The following SLC5A3 variants were observed in gnomAD, a reference collection of about 807,000 sequenced individuals.
SLC5A3 encodes sodium/myo-inositol cotransporter.
In SLC5A3, 10 loss-of-function variants were observed where a neutral mutation model predicts 43.2. The observed-to-expected ratio is 0.23, with a 90% CI of 0.14 to 0.39. The LOEUF (loss-of-function observed/expected upper bound fraction) is 0.39. SLC5A3 is among the 10% of genes least tolerant of loss of function. SLC5A3 has a pLI of 1.00. For missense variants in SLC5A3, 608 were observed against 893.4 expected, an observed-to-expected ratio of 0.68 and a Z score of 4.07; for synonymous variants, 349 against 322.0, an observed-to-expected ratio of 1.08 and a Z score of -0.90.
rs1428397015 is a variant in SLC5A3, at chr21:34,103,536, T to C, written c.*6181T>C. ...CGAGAACAGGTACGTGACAACAGTT[T>C]ATATTCCATGATAGAAAGCTAAAGT... is the stretch of plus-strand genomic sequence containing the variant. On this transcript the variant is annotated 3_prime_UTR_variant, in exon 2 of 2. Coordinates refer to ENST00000381151, the MANE Select transcript of SLC5A3 (RefSeq NM_006933.7). The C allele has an allele frequency of 1.0e-6, 1 of 1,000,032 alleles. No individual in the cohort carries two copies. The highest frequency in any genetic ancestry group is 1.1e-4 in the East Asian group (1 of 8,838). 61.9% of individuals were successfully genotyped at this position (1,000,032 alleles called of 1,614,324 possible).
chr21:34,103,230 C>T lies in SLC5A3; in HGVS notation c.*5875C>T. The T allele has an allele frequency of 1.0e-6, 1 of 999,382 alleles. No homozygotes were observed. Among genetic ancestry groups the T allele is most frequent in the Non-Finnish European group, 1.2e-6 (1 of 829,816 alleles). 61.9% of individuals were successfully genotyped at this position (999,382 alleles called of 1,614,324 possible). A position where few individuals can be genotyped will look rare whatever the true frequency, so the allele number is the denominator to read the frequency against. ...AGTGCCTTCTGGTTACCAGTATTGA[C>T]TCTGCTAGTTTGCACCTTTCCGTTC... On this transcript the variant is annotated 3_prime_UTR_variant, in exon 2 of 2. Transcript: ENST00000381151.
At chr21:34,074,513 C>T (rs1035133044) in intron 1 of SLC5A3, among the ~76,000 whole-genome samples, 4 of 152,216 alleles carry the variant, frequency 2.6e-5, no homozygotes, top group Non-Finnish European at 5.9e-5. Context: ...GCTAAGCGAA[C>T]CAGCGGCCCC....
chr21:34,082,826 G>A (rs896041096), intron 1 of SLC5A3, among the ~76,000 whole-genome samples: 3 of 151,992 alleles, frequency 2.0e-5, no homozygotes, highest in African/African-American at 7.3e-5. Context: ...GTACGTTTTG[G>A]CCCAAGGTGT....
In SLC5A3 at chr21:34,099,069, TTGTC is replaced by T. The variant is rs552106266; in HGVS notation, c.*1715_*1718del. The T allele has an allele frequency of 9.8e-5, 98 of 999,382 alleles. No individual in the cohort carries two copies. In the South Asian group the frequency reaches 4.0e-3, roughly 41 times the overall value. 61.9% of individuals were successfully genotyped at this position (999,382 alleles called of 1,614,324 possible). ...ATTAGTCCAAAGTTAATTTTAGAAA[TTGTC>T]AGGTAGCATAGTGTCTTCCCATGAT... is the stretch of plus-strand genomic sequence containing the variant. On this transcript the variant is annotated 3_prime_UTR_variant, in exon 2 of 2. Coordinates refer to ENST00000381151, the MANE Select transcript of SLC5A3 (RefSeq NM_006933.7).
chr21:34,088,922 AAC>A (rs1225694682), intron 1 of SLC5A3, among the ~76,000 whole-genome samples: 4 of 152,068 alleles, frequency 2.6e-5, no homozygotes, highest in East Asian at 1.9e-4. Context: ...ATCTTTGATA[AAC>A]AGTCTTTTAC....
rs1979368707 is a variant in SLC5A3, at chr21:34,104,095, C to T, written c.*6740C>T. 2 of 999,606 alleles carry T rather than the reference C, an allele frequency of 2.0e-6. No homozygotes were observed. Among genetic ancestry groups the T allele is most frequent in the South Asian group, 4.7e-5 (1 of 21,258 alleles). The allele number at this position is 999,606 out of a possible 1,614,324, so 61.9% of individuals were successfully genotyped here. A position where few individuals can be genotyped will look rare whatever the true frequency, so the allele number is the denominator to read the frequency against. On this transcript the variant is annotated 3_prime_UTR_variant, in exon 2 of 2. Transcript: ENST00000381151. ...ACTTGTCTTTGATTTTTTTTGTGTA[C>T]GTTTGTATGTGAGAGATGAAGTTAC...
chr21:34,102,005 A>C lies in SLC5A3; in HGVS notation c.*4650A>C, dbSNP rs1176634918. 1.0e-6 allele frequency: 1 copy of C among 1,000,074 alleles called. No homozygotes were observed. The highest frequency in any genetic ancestry group is 1.7e-5 in the African/African-American group (1 of 57,222). The allele number at this position is 1,000,074 out of a possible 1,614,324, so 62.0% of individuals were successfully genotyped here. A position where few individuals can be genotyped will look rare whatever the true frequency, so the allele number is the denominator to read the frequency against. On this transcript the variant is annotated 3_prime_UTR_variant, in exon 2 of 2. Coordinates refer to ENST00000381151, the MANE Select transcript of SLC5A3 (RefSeq NM_006933.7). Reference sequence around the variant, plus strand: ...AAGTAAAAATTTGGAATTAGTTGGCATATAGAGGAACCCTTTTGTACTGGA... The same window carrying C: ...AAGTAAAAATTTGGAATTAGTTGGCCTATAGAGGAACCCTTTTGTACTGGA...
rs1978902502 is a variant in SLC5A3, at chr21:34,095,080, T to C, written c.-119T>C. On this transcript the variant is annotated 5_prime_UTR_variant, in exon 2 of 2. Transcript: ENST00000381151. ...CAAAGGACAAAGACTTTGACCCTGC[T>C]GTGTTGCTCTGTGTAGTCCAGTTCA... 7.8e-7 allele frequency: 1 copy of C among 1,286,104 alleles called. No homozygotes were observed. The highest frequency in any genetic ancestry group is 1.1e-6 in the Non-Finnish European group (1 of 939,386). The allele number at this position is 1,286,104 out of a possible 1,614,324, so 79.7% of individuals were successfully genotyped here. A position where few individuals can be genotyped will look rare whatever the true frequency, so the allele number is the denominator to read the frequency against.
rs775365150 is a variant in SLC5A3 at position 34,096,265 on chromosome 21, T to G, written c.1067T>G (p.Met356Arg). Reference protein sequence around the residue: ...CSNIAYPRLVMKLVPVGLRGL... With the variant: ...CSNIAYPRLVRKLVPVGLRGL... ...AATATTGCTTACCCACGCCTGGTGA[T>G]GAAGCTGGTTCCTGTGGGCCTTCGG... The change falls in exon 2 of 2, where the codon ATG becomes AGG. Residue 356 changes from methionine (M) to arginine (R), a missense_variant. By Grantham distance (91) the Met-to-Arg change is moderately conservative (BLOSUM62 -1). Around this residue, in one of 2 missense-constraint regions of SLC5A3, gnomAD observed 398 missense variants for 668.6 expected, o/e 0.60. Coordinates refer to ENST00000381151, the MANE Select transcript of SLC5A3 (RefSeq NM_006933.7). The surrounding 1 kb of genome is among the most constrained non-coding windows in gnomAD (Gnocchi z 5.9). The G allele has an allele frequency of 6.2e-7, 1 of 1,614,186 alleles. No individual in the cohort carries two copies.
At chr21:34,083,486 A>G (rs1158274609) in intron 1 of SLC5A3, among the ~76,000 whole-genome samples, 1 of 152,194 alleles carries the variant, frequency 6.6e-6, no homozygotes, top group African/African-American at 2.4e-5. Flanking sequence ...TCTGTCAGGC[A>G]TGTTGTAGGA....
chr21:34,098,782 A>T lies in SLC5A3; in HGVS notation c.*1427A>T. 1.0e-6 allele frequency: 1 copy of T among 1,000,166 alleles called. No individual in the cohort carries two copies. Among genetic ancestry groups the T allele is most frequent in the Admixed American group, 6.2e-5 (1 of 16,256 alleles). 62.0% of individuals were successfully genotyped at this position (1,000,166 alleles called of 1,614,324 possible). ...GGGTACAGGGTACAAAAGATGTTAG[A>T]GAAAAGCTCTACAGATTACGTACTT... On this transcript the variant is annotated 3_prime_UTR_variant, in exon 2 of 2. Coordinates refer to ENST00000381151, the MANE Select transcript of SLC5A3 (RefSeq NM_006933.7).
At chr21:34,090,788 A>G (rs1207933054) in intron 1 of SLC5A3, among the ~76,000 whole-genome samples, 3 of 152,172 alleles carry the variant, frequency 2.0e-5, no homozygotes, top group African/African-American at 7.2e-5. Context: ...TGAGGCTCAT[A>G]GAGATGAAGT....
chr21:34,105,045 T>C lies in SLC5A3; in HGVS notation c.*7690T>C. Reference sequence around the variant, plus strand: ...TGAGTGGCAAACAGATCAAGTCTTTTGCTCATAGACTTTTCTGTGGGGTTA... The same window carrying C: ...TGAGTGGCAAACAGATCAAGTCTTTCGCTCATAGACTTTTCTGTGGGGTTA... On this transcript the variant is annotated 3_prime_UTR_variant, in exon 2 of 2. Coordinates refer to ENST00000381151, the MANE Select transcript of SLC5A3 (RefSeq NM_006933.7). The C allele has an allele frequency of 3.0e-6, 3 of 1,000,026 alleles. No individual in the cohort carries two copies. Among genetic ancestry groups the C allele is most frequent in the African/African-American group, 1.7e-5 (1 of 57,312 alleles). 61.9% of individuals were successfully genotyped at this position (1,000,026 alleles called of 1,614,324 possible).
chr21:34,087,726 G>A (rs567797411), intron 1 of SLC5A3, among the ~76,000 whole-genome samples: 2 of 152,344 alleles, frequency 1.3e-5, no homozygotes, highest in African/African-American at 2.4e-5. Flanking sequence ...GTGATGAAAG[G>A]GTTGACTGCT....
chr21:34,095,336 G>A lies in SLC5A3; in HGVS notation c.138G>A (p.Met46Ile), dbSNP rs1978916751. The change falls in exon 2 of 2, where the codon ATG (methionine) becomes ATA (isoleucine). Residue 46 changes from methionine to isoleucine, a missense_variant. This residue lies in a region of SLC5A3 where 398 missense variants were observed against 668.6 expected (regional missense o/e 0.60). Transcript: ENST00000381151. ...VSGYFLAGRSMTWVAIGASLF... is the reference protein window; with the variant it reads ...VSGYFLAGRSITWVAIGASLF... ...GATACTTCCTGGCGGGGCGCTCTAT[G>A]ACCTGGGTAGCAATTGGTGCCTCTC... is the stretch of plus-strand genomic sequence containing the variant. 1 of 1,614,150 alleles carries A rather than the reference G, an allele frequency of 6.2e-7. No homozygotes were observed. Among genetic ancestry groups the A allele is most frequent in the Non-Finnish European group, 8.5e-7 (1 of 1,179,996 alleles).
In SLC5A3 at chr21:34,101,614, A is replaced by G; in HGVS notation, c.*4259A>G. On this transcript the variant is annotated 3_prime_UTR_variant, in exon 2 of 2. Coordinates refer to ENST00000381151, the MANE Select transcript of SLC5A3 (RefSeq NM_006933.7). ...CAGTTCTACACCTAGTCTTTTCAGC[A>G]CTTAGCAAATTCAAATTTTGATTTT... 2.0e-6 allele frequency: 2 copies of G among 1,000,198 alleles called. No homozygotes were observed. Among genetic ancestry groups the G allele is most frequent in the Non-Finnish European group, 2.4e-6 (2 of 829,956 alleles). 62.0% of individuals were successfully genotyped at this position (1,000,198 alleles called of 1,614,324 possible). A position where few individuals can be genotyped will look rare whatever the true frequency, so the allele number is the denominator to read the frequency against.
Position 34,101,236 on chromosome 21 carries a change from A to T in SLC5A3, c.*3881A>T, listed in dbSNP as rs189671787. On this transcript the variant is annotated 3_prime_UTR_variant, in exon 2 of 2. Coordinates refer to ENST00000381151, the MANE Select transcript of SLC5A3 (RefSeq NM_006933.7). Reference sequence around the variant, plus strand: ...AATCTGCATATGTAGAATCATTTTCATTAGATTTAGAGCTTGAAGCACCTT... The same window carrying T: ...AATCTGCATATGTAGAATCATTTTCTTTAGATTTAGAGCTTGAAGCACCTT... The T allele has an allele frequency of 3.0e-6, 3 of 1,000,158 alleles. No individual in the cohort carries two copies. The highest frequency in any genetic ancestry group is 6.2e-5 in the Admixed American group (1 of 16,254). The allele number at this position is 1,000,158 out of a possible 1,614,324, so 62.0% of individuals were successfully genotyped here.
At position 34,096,995 on chromosome 21, in the gene SLC5A3, G is replaced by A; in HGVS notation, c.1797G>A (p.Gln599=). 1 of 1,614,092 alleles carries A rather than the reference G, an allele frequency of 6.2e-7. No individual in the cohort carries two copies. Among genetic ancestry groups the A allele is most frequent in the Non-Finnish European group, 8.5e-7 (1 of 1,179,986 alleles). The change falls in exon 2 of 2, where the codon CAG becomes CAA. Residue 599 remains glutamine (Q), a synonymous_variant. Coordinates refer to ENST00000381151, the MANE Select transcript of SLC5A3 (RefSeq NM_006933.7). The surrounding 1 kb of genome is among the most constrained non-coding windows in gnomAD (Gnocchi z 5.9). The part of the protein sequence containing the change: ...GKSEDSIKGL[Q]PEDVNLLVTC... ...CTGAAGACAGCATTAAGGGCCTTCA[G>A]CCTGAAGATGTTAATCTGTTGGTAA...
rs187913698 is a variant in SLC5A3, at chr21:34,075,085, T to C, written c.-337+1340T>C. Among the ~76,000 whole-genome samples the C allele has an allele frequency of 3.9e-5, 6 of 152,388 alleles. No individual in the cohort carries two copies. In the East Asian group the frequency reaches 9.6e-4, roughly 24 times the overall value. On this transcript the variant is annotated intron_variant, in intron 1 of 1. Transcript: ENST00000381151. ...ACCAGCATATGTAACTCCGAAAGGATAGGAGCAGTGAAAACAAAGCATTAT... is the reference window on the plus strand; with the variant it reads ...ACCAGCATATGTAACTCCGAAAGGACAGGAGCAGTGAAAACAAAGCATTAT...
Sources: allele counts gnomAD v4.1 joint callset (sites outside exome capture counted in the v4.1 genomes callset), GRCh38; gene constraint gnomAD v4.1.1; regional missense constraint gnomAD v4.1.1; non-coding constraint Gnocchi (gnomAD v3.1); transcripts MANE v1.5; gene names NCBI Gene and HGNC (gene_info 2026-07-23, HGNC 2026-07-21).